ROBO1: variants seen among roughly 807,000 people sequenced by gnomAD.
ROBO1 encodes the protein roundabout homolog 1.
Under a neutral mutation model 195.9 loss-of-function variants are expected in ROBO1, and 149 were observed. The observed-to-expected ratio is 0.76, with a 90% confidence interval of 0.67 to 0.87. ROBO1 has a LOEUF of 0.87. Among genes scored for constraint, ROBO1 ranks in the 40% least tolerant of loss-of-function variants. The probability of loss-of-function intolerance (pLI) is 0.00; values close to 1 mark genes in which losing one functional copy is unlikely to be tolerated. For synonymous variants in ROBO1, 816 were observed against 733.2 expected (o/e 1.11, Z -1.82); for missense variants, 1,933 against 2,068.3 (o/e 0.93, Z 1.27).
chr3:79,480,027 A>G (rs532476819), intron 2 of ROBO1, among the ~76,000 whole-genome samples: 35 of 152,212 alleles, frequency 2.3e-4, no homozygotes, highest in Non-Finnish European at 1.8e-4. Flanking sequence ...CACAATGAGA[A>G]AGGAAAAATA....
intron 3 of ROBO1, among the ~76,000 whole-genome samples, chr3:78,942,379 A>G (rs1366426040): frequency 6.6e-6 from 1 of 152,144 alleles, no homozygotes; most frequent in Non-Finnish European, 1.5e-5. Context: ...AAGAATCTCA[A>G]GATATTAATT....
At chr3:79,433,983 T>C (rs1014788920) in intron 2 of ROBO1, among the ~76,000 whole-genome samples, 5 of 152,196 alleles carry the variant, frequency 3.3e-5, no homozygotes, top group Non-Finnish European at 7.3e-5. Flanking sequence ...CCCTATTTAA[T>C]AAATCGTGCT....
chr3:78,943,926 A>ATTGG (rs1304853663), intron 3 of ROBO1, among the ~76,000 whole-genome samples: 2 of 152,224 alleles, frequency 1.3e-5, no homozygotes, highest in Non-Finnish European at 2.9e-5. Flanking sequence ...TTTATGAGTG[A>ATTGG]TTGGTTAACT....
At chr3:79,683,869 T>G (rs1947022794) in intron 1 of ROBO1, among the ~76,000 whole-genome samples, 1 of 152,144 alleles carries the variant, frequency 6.6e-6, no homozygotes. Flanking sequence ...ATTTAGGTTA[T>G]TTCTAATATA....
chr3:78,966,988 T>C (rs954461368), intron 3 of ROBO1, among the ~76,000 whole-genome samples: 1 of 152,228 alleles, frequency 6.6e-6, no homozygotes, highest in Admixed American at 6.5e-5. Context: ...AAAACTGGAA[T>C]GAAAACTCCT....
At position 78,677,757 on chromosome 3, in the gene ROBO1, C is replaced by A. The variant is rs1208802554; in HGVS notation, c.1343-7456G>T. 2.0e-5 allele frequency among the ~76,000 whole-genome samples: 3 copies of A among 152,120 alleles called. No individual in the cohort carries two copies. The East Asian group carries it at 5.8e-4, about 29-fold the overall frequency. On this transcript the variant is annotated intron_variant, in intron 10 of 30. Transcript: ENST00000464233. ...TTAACACCCCACTGTCAACATTAGA[C>A]AGATCGACAAGACAGAAAGTTAACA...
intron 2 of ROBO1, among the ~76,000 whole-genome samples, chr3:79,299,366 G>A (rs980924283): frequency 5.9e-5 from 9 of 152,146 alleles, no homozygotes; most frequent in Non-Finnish European, 1.3e-4. Context: ...CCAGGAAAGG[G>A]ATTAACATGT....
At position 78,950,184 on chromosome 3, in the gene ROBO1, T is replaced by C. The variant is rs143651842; in HGVS notation, c.173-11257A>G. Among the ~76,000 whole-genome samples the C allele has an allele frequency of 5.4e-3, 827 of 152,172 alleles. 7 individuals are homozygous for C. The highest frequency in any genetic ancestry group is 0.018 in the African/African-American group (753 of 41,526). ...GGGTATATACCCAAAGGATTATAAA[T>C]CATGCTGCTATAAAGACACATGCAC... On this transcript the variant is annotated intron_variant, in intron 3 of 30. Transcript: ENST00000464233.
rs149082626 is a variant in ROBO1, at chr3:79,654,038, A to G, written c.-50-64077T>C. On this transcript the variant is annotated intron_variant, in intron 1 of 30. Transcript: ENST00000464233. The stretch of plus-strand genomic sequence containing the variant: ...AAAAACCTTATGACATATCCAGAAC[A>G]TTATTTGAATTTACTTTGTATGTCT... Among the ~76,000 whole-genome samples the G allele has an allele frequency of 7.0e-3, 1,062 of 152,116 alleles. 7 individuals are homozygous for G. Among genetic ancestry groups the G allele is most frequent in the African/African-American group, 0.023 (935 of 41,552 alleles).
At chr3:79,002,018 G>A (rs1486130311) in intron 3 of ROBO1, among the ~76,000 whole-genome samples, 1 of 152,082 alleles carries the variant, frequency 6.6e-6, no homozygotes, top group African/African-American at 2.4e-5. Context: ...GCTAGGTGGT[G>A]TGGTAACTAT....
chr3:79,521,572 C>G (rs544813343), intron 2 of ROBO1, among the ~76,000 whole-genome samples: 1 of 152,254 alleles, frequency 6.6e-6, no homozygotes, highest in African/African-American at 2.4e-5. Flanking sequence ...ATAAGTAACA[C>G]TATCGAAAAA....
intron 2 of ROBO1, among the ~76,000 whole-genome samples, chr3:79,324,112 G>A (rs546361692): frequency 1.2e-3 from 177 of 151,950 alleles, no homozygotes; most frequent in African/African-American, 3.6e-3. Context: ...CTAAAAATCC[G>A]GACACCCATG....
At chr3:79,529,838 T>C (rs1393726568) in intron 2 of ROBO1, among the ~76,000 whole-genome samples, 2 of 152,178 alleles carry the variant, frequency 1.3e-5, no homozygotes, top group African/African-American at 4.8e-5. Context: ...CAGAACAAAG[T>C]AGTGAAAATG....
chr3:79,358,850 A>G (rs1047858418), intron 2 of ROBO1, among the ~76,000 whole-genome samples: 6 of 152,098 alleles, frequency 3.9e-5, no homozygotes, highest in African/African-American at 9.7e-5. Context: ...TTTTGCCATT[A>G]CAAGTCACTA....
intron 4 of ROBO1, among the ~76,000 whole-genome samples, chr3:78,871,852 T>C (rs2035573446): frequency 6.6e-6 from 1 of 152,014 alleles, no homozygotes; most frequent in African/African-American, 2.4e-5. Flanking sequence ...AGAATTTCTA[T>C]ATCTATTACC....
chr3:79,674,503 T>C (rs2106925736), intron 1 of ROBO1, among the ~76,000 whole-genome samples: 1 of 152,112 alleles, frequency 6.6e-6, no homozygotes, highest in African/African-American at 2.4e-5. Context: ...AACCCATACT[T>C]ATACAGTACT....
intron 2 of ROBO1, among the ~76,000 whole-genome samples, chr3:79,436,510 T>G (rs2038894998): frequency 6.6e-6 from 1 of 152,132 alleles, no homozygotes; most frequent in Non-Finnish European, 1.5e-5. Context: ...ACCAAAGAAA[T>G]AGAAGGCTTA....
intron 2 of ROBO1, among the ~76,000 whole-genome samples, chr3:79,263,164 G>A (rs564124334): frequency 2.0e-5 from 3 of 152,026 alleles, no homozygotes; most frequent in Admixed American, 6.6e-5. Context: ...CTCTCAACTC[G>A]GGATAGTTTT....
chr3:78,903,288 CAG>C lies in ROBO1; in HGVS notation c.499+35311_499+35312del, dbSNP rs1576372433. ...TATTATGGTCTTTCAATTTGGGAAA[CAG>C]AAAGTTTAACTATTAAACAATTAAA... On this transcript the variant is annotated intron_variant, in intron 4 of 30. Coordinates refer to ENST00000464233, the MANE Select transcript of ROBO1 (RefSeq NM_002941.4). Among the ~76,000 whole-genome samples, 4 of 152,136 alleles carry C rather than the reference CAG, an allele frequency of 2.6e-5. No homozygotes were observed. The East Asian group carries it at 7.7e-4, about 29-fold the overall frequency.
Sources: allele counts gnomAD v4.1 joint callset (sites outside exome capture counted in the v4.1 genomes callset), GRCh38; gene constraint gnomAD v4.1.1; transcripts MANE v1.5; gene names NCBI Gene and HGNC (gene_info 2026-07-23, HGNC 2026-07-21).